The following SPRED2 variants were observed in gnomAD, a reference collection of about 807,000 sequenced individuals.
SPRED2 encodes the protein sprouty-related, EVH1 domain-containing protein 2.
Under a neutral mutation model 43.0 loss-of-function variants are expected in SPRED2, and 47 were observed. That is an observed-to-expected ratio of 1.09 (90% confidence interval 0.87 to 1.40). The LOEUF (loss-of-function observed/expected upper bound fraction) is 1.40. Ranked by LOEUF, SPRED2 falls within the 40% of genes most tolerant of loss-of-function variation. The pLI is 0.00. For missense variants in SPRED2, 561 were observed against 586.4 expected (o/e 0.96, Z 0.45); for synonymous variants, 225 against 225.7 (o/e 1.00, Z 0.03).
rs1320599637 is a variant in SPRED2, at chr2:65,342,261, A to ATGTATATTTTGTATACGTATATTATGTG, written c.204+2457_204+2458insCACATAATATACGTATACAAAATATACA. ...TATATTTTGTATACGTATATTATGT[A>ATGTATATTTTGTATACGTATATTATGTG]TGTATATTTTGTATACGTATATTAT... On this transcript the variant is annotated intron_variant, in intron 2 of 5. Transcript: ENST00000356388. Among the ~76,000 whole-genome samples the ATGTATATTTTGTATACGTATATTATGTG allele has an allele frequency of 3.3e-4, 47 of 143,440 alleles. No individual in the cohort carries two copies. The East Asian group carries it at 5.1e-3, about 15-fold the overall frequency. The allele number at this position is 143,440 out of a possible 152,430, so 94.1% of individuals were successfully genotyped here.
chr2:65,388,478 A>C (rs937775197), intron 1 of SPRED2, among the ~76,000 whole-genome samples: 5 of 152,294 alleles, frequency 3.3e-5, no homozygotes, highest in Admixed American at 1.3e-4. Flanking sequence ...GCCAAGGCCC[A>C]TGGGCTTACG....
intron 1 of SPRED2, among the ~76,000 whole-genome samples, chr2:65,357,061 G>A (rs1674673775): frequency 6.6e-6 from 1 of 152,162 alleles, no homozygotes; most frequent in Admixed American, 6.5e-5. Context: ...CTATAGAGGA[G>A]GGAGGAAAAT....
At chr2:65,375,032 G>T (rs1294238234) in intron 1 of SPRED2, among the ~76,000 whole-genome samples, 1 of 152,226 alleles carries the variant, frequency 6.6e-6, no homozygotes, top group Non-Finnish European at 1.5e-5. Context: ...TAGGTGCACA[G>T]TTACCCTTTC....
chr2:65,414,449 T>G (rs1209447666), intron 1 of SPRED2, among the ~76,000 whole-genome samples: 1 of 152,228 alleles, frequency 6.6e-6, no homozygotes, highest in Non-Finnish European at 1.5e-5. Flanking sequence ...TCCTGCTGCC[T>G]TTGAGAACCA....
At chr2:65,360,981 G>A (rs1266277925) in intron 1 of SPRED2, among the ~76,000 whole-genome samples, 1 of 152,186 alleles carries the variant, frequency 6.6e-6, no homozygotes, top group Non-Finnish European at 1.5e-5. Flanking sequence ...AAAGCAGGAG[G>A]ATTGCTTAAG....
chr2:65,381,156 C>T (rs1257879181), intron 1 of SPRED2, among the ~76,000 whole-genome samples: 2 of 152,196 alleles, frequency 1.3e-5, no homozygotes, highest in African/African-American at 4.8e-5. Flanking sequence ...CCAAACCTCA[C>T]CAAGTTAGCC....
intron 4 of SPRED2, among the ~76,000 whole-genome samples, chr2:65,323,392 G>A (rs1673494356): frequency 6.6e-6 from 1 of 152,108 alleles, no homozygotes; most frequent in Non-Finnish European, 1.5e-5. Context: ...CCCTCTAACA[G>A]GGCAGTGAGC....
At chr2:65,360,079 CAAAAAAAAACAAAAAAAAAACAAAA>C (rs1674763846) in intron 1 of SPRED2, among the ~76,000 whole-genome samples, 1 of 93,702 alleles carries the variant, frequency 1.1e-5, no homozygotes, top group South Asian at 2.9e-4. Context: ...AAAAAAAAAA[CAAAAAAAAACAAAAAAAAAACAAAA>C]AAAAAAAAAA....
chr2:65,401,483 C>T (rs1041960542), intron 1 of SPRED2, among the ~76,000 whole-genome samples: 4 of 151,600 alleles, frequency 2.6e-5, no homozygotes, highest in Non-Finnish European at 5.9e-5. Context: ...AGTACAAAGA[C>T]TTATAAGTAG....
chr2:65,367,553 C>G (rs1345730892), intron 1 of SPRED2, among the ~76,000 whole-genome samples: 1 of 152,154 alleles, frequency 6.6e-6, no homozygotes, highest in Non-Finnish European at 1.5e-5. Flanking sequence ...AGAGCTACCA[C>G]ACATGTGAGT....
intron 4 of SPRED2, among the ~76,000 whole-genome samples, chr2:65,330,263 G>A (rs1196211650): frequency 2.0e-5 from 3 of 152,152 alleles, no homozygotes; most frequent in African/African-American, 7.2e-5. Context: ...CAAACCATGA[G>A]TACAATGGGA....
At chr2:65,403,210 A>G (rs966437577) in intron 1 of SPRED2, among the ~76,000 whole-genome samples, 2 of 152,376 alleles carry the variant, frequency 1.3e-5, no homozygotes, top group Admixed American at 1.3e-4. Context: ...GGAGACAACT[A>G]TTAAATATTT....
At position 65,312,146 on chromosome 2, in the gene SPRED2, T is replaced by C; in HGVS notation, c.*1355A>G. The C allele has an allele frequency of 1.0e-6, 1 of 985,620 alleles. No homozygotes were observed. Among genetic ancestry groups the C allele is most frequent in the Non-Finnish European group, 1.2e-6 (1 of 829,940 alleles). 61.1% of individuals were successfully genotyped at this position (985,620 alleles called of 1,614,324 possible). A position where few individuals can be genotyped will look rare whatever the true frequency, so the allele number is the denominator to read the frequency against. On this transcript the variant is annotated 3_prime_UTR_variant, in exon 6 of 6. Coordinates refer to ENST00000356388, the MANE Select transcript of SPRED2 (RefSeq NM_181784.3). ...GCAACGTATTAGAAAAATACTCTTT[T>C]CCAGCTAATTAGAAGCCTCCTCCGT...
rs181287400 is a variant in SPRED2 at position 65,393,398 on chromosome 2, C to A, written c.26+38564G>T. ...CCAGGCTGGAGTGCAGTGGCACAAT[C>A]TCGGCTCACTGCAACCTTCACCTCC... On this transcript the variant is annotated intron_variant, in intron 1 of 5. Transcript: ENST00000356388. Among the ~76,000 whole-genome samples the A allele has an allele frequency of 1.7e-4, 26 of 149,046 alleles. No homozygotes were observed. The East Asian group carries it at 5.1e-3, about 29-fold the overall frequency.
At chr2:65,413,643 G>A (rs1231073236) in intron 1 of SPRED2, among the ~76,000 whole-genome samples, 1 of 152,172 alleles carries the variant, frequency 6.6e-6, no homozygotes, top group Non-Finnish European at 1.5e-5. Flanking sequence ...TCCACATCAA[G>A]CACACATCTA....
intron 1 of SPRED2, among the ~76,000 whole-genome samples, chr2:65,350,710 A>T (rs998209396): frequency 3.9e-5 from 6 of 152,350 alleles, no homozygotes; most frequent in African/African-American, 1.4e-4. Flanking sequence ...AAATCTTTCA[A>T]AACTGGATTA....
At chr2:65,341,047 C>T (rs923081798) in intron 2 of SPRED2, among the ~76,000 whole-genome samples, 1 of 16,184 alleles carries the variant, frequency 6.2e-5, no homozygotes, top group Admixed American at 6.8e-4. Flanking sequence ...GAGAAAGGGG[C>T]GGGGTGGTGG....
In SPRED2 at chr2:65,432,221, G is replaced by A. The variant is rs945599908; in HGVS notation, c.-234C>T. On this transcript the variant is annotated 5_prime_UTR_variant, in exon 1 of 6. Transcript: ENST00000356388. ...AGTGAACGCCGCAGCGCCGTGGGGA[G>A]AGGCGGGCGGAGGCTCCGGGGGCTC... 6 of 553,140 alleles carry A rather than the reference G, an allele frequency of 1.1e-5. No homozygotes were observed. The highest frequency in any genetic ancestry group is 7.6e-5 in the African/African-American group (4 of 52,354). 34.3% of individuals were successfully genotyped at this position (553,140 alleles called of 1,614,324 possible).
intron 1 of SPRED2, among the ~76,000 whole-genome samples, chr2:65,350,984 G>C (rs1674493982): frequency 6.6e-6 from 1 of 152,210 alleles, no homozygotes; most frequent in Non-Finnish European, 1.5e-5. Context: ...TACCCTGCTG[G>C]CTGAAAGTAG....
Sources: gnomAD v4.1 joint callset for allele counts (sites outside exome capture counted in the v4.1 genomes callset) on GRCh38, gnomAD v4.1.1 for gene constraint, MANE v1.5 for transcripts, NCBI Gene and HGNC (gene_info 2026-07-23, HGNC 2026-07-21) for gene names.